Variants in HYDIN observed in about 807,000 individuals in gnomAD.
HYDIN encodes axonemal central pair apparatus protein HYDIN.
Under a neutral mutation model 403.9 loss-of-function variants are expected in HYDIN, and 132 were observed. The observed-to-expected ratio is 0.33, with a 90% CI of 0.28 to 0.38. HYDIN has a LOEUF of 0.38. Ranked by LOEUF, HYDIN falls within the 10% of genes least tolerant of loss-of-function variation. The pLI is 1.00. For synonymous variants in HYDIN, 1,202 were observed against 1,891.7 expected, an observed-to-expected ratio of 0.64 and a Z score of 9.46; for missense variants, 2,827 against 5,009.5, an observed-to-expected ratio of 0.56 and a Z score of 13.15.
At position 70,938,388 on chromosome 16, in the gene HYDIN, G is replaced by A. The variant is rs1317108049; in HGVS notation, c.6995+226C>T. ...CATTACAGCCTGGTCCCAAATGCCC[G>A]CCAGTGAGAAATAAGGAGAGTGGGA... On this transcript the variant is annotated intron_variant, in intron 44 of 85. Coordinates refer to ENST00000393567, the MANE Select transcript of HYDIN (RefSeq NM_001270974.2). 1.3e-5 allele frequency among the ~76,000 whole-genome samples: 2 copies of A among 152,324 alleles called. No homozygotes were observed. Among genetic ancestry groups the A allele is most frequent in the Non-Finnish European group, 1.5e-5 (1 of 68,030 alleles).
chr16:70,900,809 T>C (rs2076349696), intron 53 of HYDIN, among the ~76,000 whole-genome samples, 195 bp downstream of exon 53: 1 of 143,222 alleles, frequency 7.0e-6, no homozygotes. Context: ...GAATCAGCCA[T>C]AAGCAATATT....
intron 7 of HYDIN, among the ~76,000 whole-genome samples, chr16:71,151,563 T>A (rs902923218): frequency 2.6e-5 from 4 of 152,186 alleles, no homozygotes; most frequent in Non-Finnish European, 4.4e-5. Context: ...TAGGTTGGAT[T>A]TCCATCTGAC....
intron 10 of HYDIN, among the ~76,000 whole-genome samples, chr16:71,096,355 C>T (rs1021366298): frequency 6.6e-6 from 1 of 152,116 alleles, no homozygotes; most frequent in African/African-American, 2.4e-5. Flanking sequence ...TTGCATTTAT[C>T]CTTTCAGGGG....
At chr16:71,061,774 T>A (rs376122372) in intron 17 of HYDIN, among the ~76,000 whole-genome samples, 2 of 151,252 alleles carry the variant, frequency 1.3e-5, no homozygotes, top group African/African-American at 4.9e-5. Context: ...AAAATACAGA[T>A]GTGCTGGCTC....
intron 5 of HYDIN, among the ~76,000 whole-genome samples, chr16:71,173,946 A>G (rs2086566264): frequency 6.6e-6 from 1 of 152,196 alleles, no homozygotes; most frequent in African/African-American, 2.4e-5. Context: ...AGCTGCACAA[A>G]GGATTATAAT....
At chr16:70,897,489 G>A (rs1327067817) in intron 53 of HYDIN, among the ~76,000 whole-genome samples, 2 of 151,344 alleles carry the variant, frequency 1.3e-5, no homozygotes, top group Non-Finnish European at 2.9e-5. Flanking sequence ...CTTGAGTTTC[G>A]CCTTCTTTCT....
At chr16:70,842,353 T>TATTTTGGGACTCTGTCGTTACATGC (rs1336267472) in intron 75 of HYDIN, among the ~76,000 whole-genome samples, 1 of 152,106 alleles carries the variant, frequency 6.6e-6, no homozygotes, top group South Asian at 2.1e-4. Flanking sequence ...TTGTTTCATG[T>TATTTTGGGACTCTGTCGTTACATGC]ATTTTGGGAC....
intron 75 of HYDIN, among the ~76,000 whole-genome samples, chr16:70,848,946 C>A (rs1310556247): frequency 3.3e-5 from 5 of 149,354 alleles, no homozygotes; most frequent in Non-Finnish European, 3.0e-5. Flanking sequence ...TCAATGCTCC[C>A]TCAGTCAGCT....
chr16:71,178,430 A>ATATATATAT, intron 4 of HYDIN, among the ~76,000 whole-genome samples: 1 of 118,504 alleles, frequency 8.4e-6, no homozygotes, highest in South Asian at 2.8e-4. Flanking sequence ...AAAAAAAAAA[A>ATATATATAT]AAAAATATAT....
rs747784083 is a variant in HYDIN at position 70,807,694 on chromosome 16, G to A, written c.15252C>T (p.Asn5084=). 59 of 1,613,992 alleles carry A rather than the reference G, an allele frequency of 3.7e-5. No homozygotes were observed. Among genetic ancestry groups the A allele is most frequent in the Non-Finnish European group, 4.9e-5 (58 of 1,180,036 alleles). The change falls in exon 86 of 86, where the codon AAC becomes AAT. Residue 5084 remains asparagine, a synonymous_variant. Transcript: ENST00000393567. ...TGATGGGGGTTTTGCTGCCAGATGG[G>A]TTTCCTTCAAAGGAGACTGTGATGT... is the stretch of plus-strand genomic sequence containing the variant. ...INNITVSFEG[N]PSGSKTPITT... is the part of the protein sequence containing the mutation.
At chr16:70,906,642 C>T (rs1274172106) in intron 50 of HYDIN, among the ~76,000 whole-genome samples, 1 of 152,100 alleles carries the variant, frequency 6.6e-6, no homozygotes, top group African/African-American at 2.4e-5. Context: ...GCGCTCCAGG[C>T]TTTCCTCCCA....
At chr16:70,992,736 T>C (rs900661745) in intron 23 of HYDIN, among the ~76,000 whole-genome samples, 3 of 151,994 alleles carry the variant, frequency 2.0e-5, no homozygotes, top group African/African-American at 7.3e-5. Flanking sequence ...CCTCAGTGCC[T>C]TGCTTGCCAC....
chr16:71,071,837 A>C (rs1306354989), intron 13 of HYDIN, among the ~76,000 whole-genome samples: 2 of 152,236 alleles, frequency 1.3e-5, no homozygotes, highest in East Asian at 3.8e-4. Context: ...GCAGGACAAA[A>C]TGCTAAATTA....
chr16:71,128,157 A>G (rs1007766355), intron 9 of HYDIN, among the ~76,000 whole-genome samples: 1 of 152,160 alleles, frequency 6.6e-6, no homozygotes, highest in African/African-American at 2.4e-5. Flanking sequence ...GACTATGAAA[A>G]TCACCTCAGC....
intron 8 of HYDIN, among the ~76,000 whole-genome samples, chr16:71,130,223 T>C (rs1448233576): frequency 6.6e-6 from 1 of 152,206 alleles, no homozygotes; most frequent in African/African-American, 2.4e-5. Context: ...TAGCTTTAAT[T>C]CTTTCTTAGC....
chr16:70,884,068 G>C lies in HYDIN; in HGVS notation c.9831C>G (p.Ser3277=), dbSNP rs373475787. Residue 3277 remains serine, a synonymous_variant, in exon 59 of 86, where the codon TCC becomes TCG. Transcript: ENST00000393567. ...TVYPGFGSIP[S]GGQQVINVDC... The stretch of plus-strand genomic sequence containing the variant: ...CAACGTTGATGACCTGCTGTCCTCC[G>C]GAAGGAATGGAGCCAAACCCAGGGT... 1.9e-6 allele frequency: 3 copies of C among 1,612,446 alleles called. No individual in the cohort carries two copies. The highest frequency in any genetic ancestry group is 2.2e-5 in the South Asian group (2 of 90,690).
At chr16:70,809,272 T>A (rs1038636259) in intron 85 of HYDIN, among the ~76,000 whole-genome samples, 2 of 152,214 alleles carry the variant, frequency 1.3e-5, no homozygotes, top group African/African-American at 4.8e-5. Flanking sequence ...AGCTAATGTA[T>A]ATGGAGCACT....
At position 71,067,327 on chromosome 16, in the gene HYDIN, T is replaced by A. The variant is rs752592380; in HGVS notation, c.2038A>T (p.Ile680Phe). The stretch of plus-strand genomic sequence containing the variant: ...AAGAGCGCCAGCACCTCTTCTCCGA[T>A]GCCCTCCACGTCCACCACGAGTGCC... ...ELALVVDVEG[I>F]GEEVLALLIT... is the part of the protein sequence containing the mutation. The change falls in exon 15 of 86, where the codon ATC (isoleucine) becomes TTC (phenylalanine). Residue 680 changes from isoleucine (I) to phenylalanine (F), a missense_variant. Transcript: ENST00000393567. The A allele has an allele frequency of 6.2e-7, 1 of 1,613,430 alleles. No homozygotes were observed. The highest frequency in any genetic ancestry group is 2.2e-5 in the East Asian group (1 of 44,830).
rs75125685 is a variant in HYDIN, at chr16:71,188,739, T to C, written c.-23-1821A>G. ...AAAAATAAGTAAGACCATAAAAGAT[T>C]TGAATGACATAACACATTAAATAGG... On this transcript the variant is annotated intron_variant, in intron 1 of 85. Coordinates refer to ENST00000393567, the MANE Select transcript of HYDIN (RefSeq NM_001270974.2). Among the ~76,000 whole-genome samples, 1,222 of 152,262 alleles carry C rather than the reference T, an allele frequency of 8.0e-3. 15 individuals are homozygous for C. The highest frequency in any genetic ancestry group is 0.028 in the African/African-American group (1,160 of 41,538).
Sources: allele counts gnomAD v4.1 joint callset (sites outside exome capture counted in the v4.1 genomes callset), GRCh38; gene constraint gnomAD v4.1.1; transcripts MANE v1.5; gene names NCBI Gene and HGNC (gene_info 2026-07-23, HGNC 2026-07-21).